The following KIAA1671 variants were observed in gnomAD, a reference collection of about 807,000 sequenced individuals.
KIAA1671 encodes the protein KIAA1671.
In KIAA1671, 52 loss-of-function variants were observed where a neutral mutation model predicts 131.2. That is an observed-to-expected ratio of 0.40 (90% confidence interval 0.32 to 0.50). The LOEUF is 0.50. Ranked by LOEUF, KIAA1671 falls within the 20% of genes least tolerant of loss-of-function variation. KIAA1671 has a pLI of 0.73. For synonymous variants in KIAA1671, 1,003 were observed against 961.6 expected (o/e 1.04, Z -0.80); for missense variants, 2,360 against 2,364.2 (o/e 1.00, Z 0.04).
At chr22:24,966,870 A>G (rs1349791794) in intron 1 of KIAA1671, among the ~76,000 whole-genome samples, 1 of 152,126 alleles carries the variant, frequency 6.6e-6, no homozygotes, top group Non-Finnish European at 1.5e-5. Context: ...GCATGAGGAT[A>G]GCTTGAGCCA....
rs1197803674 is a variant in KIAA1671, at chr22:25,183,466, C to T, written c.5200-1511C>T. Among the ~76,000 whole-genome samples the T allele has an allele frequency of 5.4e-5, 6 of 111,508 alleles. 1 individual carries two copies. The Admixed American group carries it at 6.3e-4, about 12-fold the overall frequency. 73.2% of individuals were successfully genotyped at this position (111,508 alleles called of 152,430 possible). On this transcript the variant is annotated intron_variant, in intron 10 of 12. Transcript: ENST00000358431. The stretch of plus-strand genomic sequence containing the variant: ...CCTCCCTCCCTCCCTCCCTCCCTCT[C>T]TTCCTTCCTTCCTTTCTCTTTCTCC...
chr22:25,049,331 C>T lies in KIAA1671; in HGVS notation c.4497C>T (p.Ser1499=). 1 of 1,551,638 alleles carries T rather than the reference C, an allele frequency of 6.4e-7. No individual in the cohort carries two copies. The highest frequency in any genetic ancestry group is 8.7e-7 in the Non-Finnish European group (1 of 1,146,844). Residue 1499 remains serine, a synonymous_variant, in exon 6 of 13, where the codon AGC becomes AGT. Transcript: ENST00000358431. ...CCTCGGTTCCCTGGAGAAGCCACAGCTTCTGCAAAGACAGGAGGAGTGGGC... is the reference window on the plus strand; with the variant it reads ...CCTCGGTTCCCTGGAGAAGCCACAGTTTCTGCAAAGACAGGAGGAGTGGGC... ...PVASVPWRSH[S]FCKDRRSGPF... is the part of the protein sequence containing the mutation.
Position 25,093,778 on chromosome 22 carries a change from C to CTCTCTCTG in KIAA1671, c.4530+44421_4530+44422insGTCTCTCT, listed in dbSNP as rs1568951226. 7.7e-5 allele frequency among the ~76,000 whole-genome samples: 9 copies of CTCTCTCTG among 117,586 alleles called. No individual in the cohort carries two copies. In the South Asian group the frequency reaches 1.4e-3, roughly 19 times the overall value. 77.1% of individuals were successfully genotyped at this position (117,586 alleles called of 152,430 possible). A position where few individuals can be genotyped will look rare whatever the true frequency, so the allele number is the denominator to read the frequency against. On this transcript the variant is annotated intron_variant, in intron 6 of 12. Transcript: ENST00000358431. ...TCTCTCTCTCTCTCTGTCTCTCTCT[C>CTCTCTCTG]TCTCTCTCTCTCTCTCTCTCTCTCT...
chr22:25,056,888 A>C (rs1014603404), intron 6 of KIAA1671: 2 of 151,656 alleles, frequency 1.3e-5, no homozygotes. Context: ...AGTGCCTGAC[A>C]CCTGGTAGGT....
Position 24,991,618 on chromosome 22 carries a change from G to A in KIAA1671, c.-207-34015G>A, listed in dbSNP as rs201686333. 1.9e-3 allele frequency among the ~76,000 whole-genome samples: 251 copies of A among 129,190 alleles called. 4 individuals carry two copies. The East Asian group carries it at 0.026, about 13-fold the overall frequency. 84.8% of individuals were successfully genotyped at this position (129,190 alleles called of 152,430 possible). On this transcript the variant is annotated intron_variant, in intron 1 of 12. Transcript: ENST00000358431. ...ACTACAGGCACGTGCCACCACGCCC[G>A]GCTAATTTTTTTTTTTTTTTTTTTA...
intron 1 of KIAA1671, among the ~76,000 whole-genome samples, chr22:24,972,149 C>T (rs1303059756): frequency 6.6e-6 from 1 of 152,174 alleles, no homozygotes; most frequent in Non-Finnish European, 1.5e-5. Context: ...GGCAGACCAA[C>T]ATTATGCAAA....
chr22:25,104,950 T>A (rs1930911514), intron 6 of KIAA1671, among the ~76,000 whole-genome samples: 1 of 152,158 alleles, frequency 6.6e-6, no homozygotes, highest in Non-Finnish European at 1.5e-5. Flanking sequence ...AGAAAGTAAC[T>A]GTCCAGGGAA....
intron 1 of KIAA1671, among the ~76,000 whole-genome samples, chr22:25,008,058 C>T (rs1269100721): frequency 2.6e-5 from 4 of 151,736 alleles, no homozygotes; most frequent in South Asian, 2.1e-4. Context: ...ATTAGCCGGG[C>T]GTGGTGGCAG....
At chr22:25,027,756 G>C (rs1926029385) in intron 2 of KIAA1671, among the ~76,000 whole-genome samples, 189 bp from the exon 3 acceptor site, 4 of 152,198 alleles carry the variant, frequency 2.6e-5, no homozygotes, top group Non-Finnish European at 5.9e-5. Context: ...TGGGCGTTTA[G>C]TCCACTCCCC....
intron 1 of KIAA1671, among the ~76,000 whole-genome samples, chr22:24,964,298 C>T (rs1419317759): frequency 6.6e-6 from 1 of 152,118 alleles, no homozygotes; most frequent in East Asian, 1.9e-4. Flanking sequence ...TATTGTACTA[C>T]AGCCTGGGAG....
chr22:24,975,567 C>T (rs1922868255), intron 1 of KIAA1671, among the ~76,000 whole-genome samples: 1 of 151,952 alleles, frequency 6.6e-6, no homozygotes, highest in African/African-American at 2.4e-5. Context: ...AGCTGTGAGC[C>T]ACTGCGCCTG....
In KIAA1671 at chr22:25,049,227, C is replaced by G. The variant is rs1927402587; in HGVS notation, c.4396-3C>G. 6.4e-7 allele frequency: 1 copy of G among 1,551,582 alleles called. No individual in the cohort carries two copies. Among genetic ancestry groups the G allele is most frequent in the Non-Finnish European group, 8.7e-7 (1 of 1,146,760 alleles). On this transcript the variant is annotated splice_polypyrimidine_tract_variant and splice_region_variant and intron_variant, in intron 5 of 12. Transcript: ENST00000358431. ...AGTCCTTTTCTTGTGCTCTGTGTTT[C>G]AGGTGCTGCCACGGGACCTGGAGAA...
intron 6 of KIAA1671, among the ~76,000 whole-genome samples, chr22:25,121,483 A>G (rs1335555786): frequency 6.6e-6 from 1 of 151,986 alleles, no homozygotes; most frequent in Non-Finnish European, 1.5e-5. Flanking sequence ...AAAAAAGAGA[A>G]TGGAGTCTTT....
At chr22:25,184,808 C>T (rs991086284) in intron 10 of KIAA1671, among the ~76,000 whole-genome samples, 169 bp from the exon 11 acceptor site, 9 of 142,922 alleles carry the variant, frequency 6.3e-5, no homozygotes, top group Non-Finnish European at 1.1e-4. Flanking sequence ...CTTGGAATGC[C>T]AGACTGACAT....
At chr22:24,964,401 G>A (rs1046346468) in intron 1 of KIAA1671, among the ~76,000 whole-genome samples, 1 of 151,900 alleles carries the variant, frequency 6.6e-6, no homozygotes, top group Non-Finnish European at 1.5e-5. Flanking sequence ...CCTAGGCTCT[G>A]TGCTCATCAT....
intron 6 of KIAA1671, among the ~76,000 whole-genome samples, chr22:25,135,330 C>T (rs1289627655): frequency 3.3e-5 from 5 of 152,142 alleles, no homozygotes; most frequent in African/African-American, 1.2e-4. Context: ...GGACTACAGG[C>T]GCCCGCCACC....
intron 6 of KIAA1671, among the ~76,000 whole-genome samples, chr22:25,165,719 C>A (rs1167817916): frequency 6.6e-6 from 1 of 152,188 alleles, no homozygotes; most frequent in Admixed American, 6.5e-5. Flanking sequence ...TGAGCCAGCC[C>A]TCAGGGTAGG....
At chr22:24,969,964 C>T (rs1051619123) in intron 1 of KIAA1671, among the ~76,000 whole-genome samples, 2 of 152,210 alleles carry the variant, frequency 1.3e-5, no homozygotes, top group East Asian at 1.9e-4. Context: ...AGACCCCCTC[C>T]GCCAGGCACA....
chr22:25,101,586 C>G (rs57117473), intron 6 of KIAA1671, among the ~76,000 whole-genome samples: 8,362 of 152,218 alleles, frequency 0.055, 742 homozygotes, highest in African/African-American at 0.19. Flanking sequence ...TAAATTAACA[C>G]AAGGAAATAA....
Sources: gnomAD v4.1 joint callset for allele counts (sites outside exome capture counted in the v4.1 genomes callset) on GRCh38, gnomAD v4.1.1 for gene constraint, MANE v1.5 for transcripts, NCBI Gene and HGNC (gene_info 2026-07-23, HGNC 2026-07-21) for gene names.